GRM1: variants seen among roughly 807,000 people sequenced by gnomAD.
GRM1 encodes metabotropic glutamate receptor 1.
A neutral mutation model predicts 90.9 loss-of-function variants in GRM1; 33 were observed. The observed-to-expected ratio is 0.36, with a 90% confidence interval of 0.28 to 0.49. The LOEUF (loss-of-function observed/expected upper bound fraction) is 0.49. Ranked by LOEUF, GRM1 falls within the 20% of genes least tolerant of loss-of-function variation. The pLI, the probability that GRM1 is intolerant of heterozygous loss-of-function variation, is 0.99. For missense variants in GRM1, 1,190 were observed against 1,534.3 expected (o/e 0.78, Z 3.75); for synonymous variants, 700 against 613.2 (o/e 1.14, Z -2.09).
intron 1 of GRM1, among the ~76,000 whole-genome samples, chr6:146,058,279 G>A (rs1562435135): frequency 6.6e-6 from 1 of 152,098 alleles, no homozygotes; most frequent in African/African-American, 2.4e-5. Context: ...CCTCAGAGAT[G>A]TTTTGGATTC....
chr6:146,391,532 AAC>A (rs1229142489), intron 6 of GRM1, among the ~76,000 whole-genome samples: 20 of 151,942 alleles, frequency 1.3e-4, no homozygotes, highest in Non-Finnish European at 2.6e-4. Flanking sequence ...GGGATAAACA[AAC>A]ACACCTGGAG....
At chr6:146,244,653 A>T (rs1373587831) in intron 2 of GRM1, among the ~76,000 whole-genome samples, 1 of 152,208 alleles carries the variant, frequency 6.6e-6, no homozygotes, top group African/African-American at 2.4e-5. Context: ...AGTACTGATA[A>T]ATTCTTATAG....
At position 146,298,066 on chromosome 6, in the gene GRM1, G is replaced by A. The variant is rs554376206; in HGVS notation, c.951-6545G>A. Among the ~76,000 whole-genome samples the A allele has an allele frequency of 9.0e-4, 137 of 152,214 alleles. 1 individual carries two copies. The highest frequency in any genetic ancestry group is 1.5e-3 in the South Asian group (7 of 4,814). On this transcript the variant is annotated intron_variant, in intron 2 of 7. Transcript: ENST00000282753. ...TGCAACCCAAGAAACTGCCCAGCCA[G>A]GCATGATTGCCAAGAATAGCTCAAT...
At chr6:146,420,821 C>A (rs76917693) in intron 7 of GRM1, among the ~76,000 whole-genome samples, 1,625 of 152,088 alleles carry the variant, frequency 0.011, 37 homozygotes, top group African/African-American at 0.037. Flanking sequence ...AGGGAAAGTT[C>A]TTTGTTAGAA....
At chr6:146,208,830 C>T (rs76461949) in intron 2 of GRM1, among the ~76,000 whole-genome samples, 1,724 of 152,058 alleles carry the variant, frequency 0.011, 74 homozygotes, top group East Asian at 0.079. Context: ...AATTTTTCCT[C>T]TTAAATTTTT....
chr6:146,227,858 A>G (rs925865866), intron 2 of GRM1, among the ~76,000 whole-genome samples: 1 of 152,178 alleles, frequency 6.6e-6, no homozygotes, highest in Non-Finnish European at 1.5e-5. Context: ...ACCACTATTT[A>G]TTTATGAAGG....
intron 1 of GRM1, among the ~76,000 whole-genome samples, chr6:146,122,781 AT>A (rs1776038080): frequency 3.7e-5 from 5 of 136,634 alleles, no homozygotes; most frequent in African/African-American, 5.5e-5. Context: ...TAAGAATTCT[AT>A]TTAGTTTAAA....
At chr6:146,097,845 A>C (rs1176314910) in intron 1 of GRM1, among the ~76,000 whole-genome samples, 3 of 152,238 alleles carry the variant, frequency 2.0e-5, no homozygotes, top group Non-Finnish European at 4.4e-5. Context: ...TCAGAATTAA[A>C]TATTCCTACA....
At chr6:146,270,916 C>CTTT (rs1562571299) in intron 2 of GRM1, among the ~76,000 whole-genome samples, 3,574 of 52,064 alleles carry the variant, frequency 0.069, 79 homozygotes, top group South Asian at 0.084. Context: ...TTTCTTTCTT[C>CTTT]CTTCCTTCCT....
chr6:146,112,889 C>G (rs993036275), intron 1 of GRM1, among the ~76,000 whole-genome samples: 3 of 152,122 alleles, frequency 2.0e-5, no homozygotes, highest in Admixed American at 1.3e-4. Flanking sequence ...CGTCAACACA[C>G]ATTTAAAAAC....
At chr6:146,429,524 C>T (rs1778329918) in intron 7 of GRM1, among the ~76,000 whole-genome samples, 1 of 152,150 alleles carries the variant, frequency 6.6e-6, no homozygotes, top group Non-Finnish European at 1.5e-5. Context: ...TGAGATTCTA[C>T]AAGACCTACT....
chr6:146,358,905 T>A (rs1194346223), intron 5 of GRM1, among the ~76,000 whole-genome samples: 4 of 152,204 alleles, frequency 2.6e-5, no homozygotes, highest in Non-Finnish European at 5.9e-5. Context: ...TCTGCAGAAG[T>A]TATATTAAAA....
Position 146,209,661 on chromosome 6 carries a change from T to C in GRM1, c.950+50064T>C, listed in dbSNP as rs374317921. Among the ~76,000 whole-genome samples the C allele has an allele frequency of 2.6e-5, 4 of 152,264 alleles. No individual in the cohort carries two copies. The East Asian group carries it at 5.8e-4, about 22-fold the overall frequency. On this transcript the variant is annotated intron_variant, in intron 2 of 7. Coordinates refer to ENST00000282753, the MANE Select transcript of GRM1 (RefSeq NM_001278064.2). ...GGGATGGAAGGGTATATTTCATTCA[T>C]GGAAGGGAGATGTTTGAGACGTTAT...
At chr6:146,213,900 G>T (rs1483219124) in intron 2 of GRM1, among the ~76,000 whole-genome samples, 1 of 152,132 alleles carries the variant, frequency 6.6e-6, no homozygotes, top group Non-Finnish European at 1.5e-5. Context: ...GTAACTCTTA[G>T]TGTGAGGCAG....
chr6:146,342,580 A>G (rs1391291579), intron 3 of GRM1, among the ~76,000 whole-genome samples: 1 of 152,164 alleles, frequency 6.6e-6, no homozygotes, highest in Non-Finnish European at 1.5e-5. Context: ...TGGACAAGTT[A>G]TTTGACCCAC....
At chr6:146,103,184 A>G (rs532557800) in intron 1 of GRM1, among the ~76,000 whole-genome samples, 1 of 152,332 alleles carries the variant, frequency 6.6e-6, no homozygotes, top group Admixed American at 6.5e-5. Context: ...GCATAATGAT[A>G]TAAGTATATT....
chr6:146,244,524 A>G (rs1247919597), intron 2 of GRM1, among the ~76,000 whole-genome samples: 1 of 152,166 alleles, frequency 6.6e-6, no homozygotes, highest in Non-Finnish European at 1.5e-5. Flanking sequence ...TTGGGGGTAC[A>G]CTGTTACAAA....
In GRM1 at chr6:146,060,653, A is replaced by T. The variant is rs144576264; in HGVS notation, c.700+30436A>T. On this transcript the variant is annotated intron_variant, in intron 1 of 7. Coordinates refer to ENST00000282753, the MANE Select transcript of GRM1 (RefSeq NM_001278064.2). ...ATTGTCTTTATCCAGTCTATCACTG[A>T]TGGACATATAGGTTGGTTCCATGTC... Among the ~76,000 whole-genome samples the T allele has an allele frequency of 8.5e-5, 13 of 152,242 alleles. No individual in the cohort carries two copies. The East Asian group carries it at 2.1e-3, about 25-fold the overall frequency.
At chr6:146,280,733 C>T in intron 2 of GRM1, among the ~76,000 whole-genome samples, 1 of 152,154 alleles carries the variant, frequency 6.6e-6, no homozygotes, top group East Asian at 1.9e-4. Context: ...ATCCTCCCAC[C>T]TCAGCCTCCC....
Sources: gnomAD v4.1 joint callset for allele counts (sites outside exome capture counted in the v4.1 genomes callset) on GRCh38, gnomAD v4.1.1 for gene constraint, MANE v1.5 for transcripts, NCBI Gene and HGNC (gene_info 2026-07-23, HGNC 2026-07-21) for gene names.